KSR1: variants seen among roughly 807,000 people sequenced by gnomAD.
KSR1 encodes the protein kinase suppressor of ras 1, also known as kinase suppressor of ras.
KSR1 carries 35 observed loss-of-function variants against 92.9 expected under a neutral mutation model. The observed-to-expected ratio is 0.38, with a 90% confidence interval of 0.29 to 0.50. The LOEUF (loss-of-function observed/expected upper bound fraction) is 0.50, where lower values mean the gene tolerates loss of function less well. Ranked by LOEUF, KSR1 falls within the 20% of genes least tolerant of loss-of-function variation. The pLI is 0.94. For synonymous variants in KSR1, 467 were observed against 472.6 expected, an observed-to-expected ratio of 0.99 and a Z score of 0.15; for missense variants, 972 against 1,158.5, an observed-to-expected ratio of 0.84 and a Z score of 2.34.
chr17:27,494,202 T>C (rs1303022117), intron 1 of KSR1, among the ~76,000 whole-genome samples: 7 of 152,190 alleles, frequency 4.6e-5, no homozygotes, highest in Admixed American at 3.9e-4. Flanking sequence ...GAGATGATTT[T>C]TTTTATGGCC....
At chr17:27,509,888 G>C (rs928371619) in intron 1 of KSR1, among the ~76,000 whole-genome samples, 39 of 152,298 alleles carry the variant, frequency 2.6e-4, no homozygotes, top group African/African-American at 9.1e-4. Flanking sequence ...TTGTGTGTGA[G>C]AGGCCACGTT....
Position 27,592,361 on chromosome 17 carries a change from G to C in KSR1, c.1131G>C (p.Arg377Ser). The C allele has an allele frequency of 6.2e-7, 1 of 1,613,824 alleles. No homozygotes were observed. Among genetic ancestry groups the C allele is most frequent in the Non-Finnish European group, 8.5e-7 (1 of 1,179,806 alleles). The change falls in exon 8 of 21, where the codon AGG (arginine) becomes AGC (serine). Residue 377 changes from arginine to serine, a missense_variant and splice_region_variant. Arg to Ser is a moderately radical substitution (Grantham distance 110, BLOSUM62 -1). Transcript: ENST00000644974. Reference sequence around the variant, plus strand: ...ACACCAACCTCCCCTTCTTTACCAGGTTGAAGTGTCACAACAAATGTACCA... The same window carrying C: ...ACACCAACCTCCCCTTCTTTACCAGCTTGAAGTGTCACAACAAATGTACCA... ...MIFGVKCKHCRLKCHNKCTKE... is the reference protein window; with the variant it reads ...MIFGVKCKHCSLKCHNKCTKE...
chr17:27,483,010 A>G (rs920263612), intron 1 of KSR1, among the ~76,000 whole-genome samples: 13 of 152,100 alleles, frequency 8.5e-5, no homozygotes, highest in African/African-American at 3.1e-4. Context: ...CTCCCATGTT[A>G]TTTTTGTGCC....
intron 1 of KSR1, among the ~76,000 whole-genome samples, chr17:27,519,071 C>T (rs1211240088): frequency 6.6e-6 from 1 of 152,168 alleles, no homozygotes; most frequent in Non-Finnish European, 1.5e-5. Flanking sequence ...TCTCACCATG[C>T]CCTGGGCTGC....
At chr17:27,553,933 G>A (rs145332715) in intron 2 of KSR1, among the ~76,000 whole-genome samples, 178 of 152,298 alleles carry the variant, frequency 1.2e-3, no homozygotes, top group Non-Finnish European at 1.9e-3. Flanking sequence ...AGCTGCAAGG[G>A]CTGGCCCCAG....
intron 1 of KSR1, among the ~76,000 whole-genome samples, chr17:27,505,552 A>G (rs1196475306): frequency 6.6e-6 from 1 of 150,964 alleles, no homozygotes; most frequent in Non-Finnish European, 1.5e-5. Flanking sequence ...TTTGAATCCC[A>G]GCTTTGCCAC....
chr17:27,561,395 C>T (rs1439430039), intron 2 of KSR1, among the ~76,000 whole-genome samples: 2 of 152,200 alleles, frequency 1.3e-5, no homozygotes, highest in East Asian at 3.8e-4. Flanking sequence ...CCATTGATCA[C>T]TTACCTTTTA....
chr17:27,620,672 G>T (rs2074199108), intron 19 of KSR1, among the ~76,000 whole-genome samples: 1 of 152,148 alleles, frequency 6.6e-6, no homozygotes, highest in Non-Finnish European at 1.5e-5. Context: ...GGGGCTCTTA[G>T]CAGTTCAAGG....
chr17:27,521,121 T>G (rs1214845641), intron 1 of KSR1, among the ~76,000 whole-genome samples: 2 of 152,136 alleles, frequency 1.3e-5, no homozygotes, highest in African/African-American at 2.4e-5. Flanking sequence ...CACATCCATA[T>G]CAGGAGCACA....
chr17:27,575,833 C>T (rs916172941), intron 2 of KSR1, among the ~76,000 whole-genome samples: 6 of 152,220 alleles, frequency 3.9e-5, no homozygotes, highest in African/African-American at 1.2e-4. Context: ...CAGCTTAACA[C>T]ACCACCCGCT....
intron 1 of KSR1, among the ~76,000 whole-genome samples, chr17:27,472,832 A>G (rs1223555495): frequency 6.6e-6 from 1 of 152,186 alleles, no homozygotes; most frequent in African/African-American, 2.4e-5. Context: ...AATGGAATGG[A>G]AGGCCAGAAT....
intron 15 of KSR1, 107 bp from the exon 16 acceptor site, chr17:27,609,089 G>A (rs2073845041): frequency 2.2e-5 from 29 of 1,292,572 alleles, no homozygotes; most frequent in Middle Eastern, 3.9e-4. Flanking sequence ...ACAATATACT[G>A]CATGGAATTG....
At chr17:27,511,853 G>T (rs1263752447) in intron 1 of KSR1, among the ~76,000 whole-genome samples, 1 of 152,244 alleles carries the variant, frequency 6.6e-6, no homozygotes, top group Non-Finnish European at 1.5e-5. Flanking sequence ...TGCCACACGT[G>T]GCAATTCTTA....
At chr17:27,608,976 C>T (rs1288938462) in intron 15 of KSR1, among the ~76,000 whole-genome samples, 2 of 152,180 alleles carry the variant, frequency 1.3e-5, no homozygotes, top group Non-Finnish European at 2.9e-5. Context: ...AGAGCATAGA[C>T]CGGTCTGGGA....
At chr17:27,524,709 C>G (rs969327533) in intron 1 of KSR1, among the ~76,000 whole-genome samples, 3 of 152,172 alleles carry the variant, frequency 2.0e-5, no homozygotes, top group Non-Finnish European at 4.4e-5. Flanking sequence ...AGGTCAAAAC[C>G]TAAAACTTTG....
intron 1 of KSR1, among the ~76,000 whole-genome samples, chr17:27,507,432 C>T (rs367971045): frequency 3.3e-5 from 5 of 150,190 alleles, no homozygotes; most frequent in East Asian, 3.9e-4. Flanking sequence ...GACTTTGTCT[C>T]GAAGGAAAAA....
At chr17:27,517,317 T>C (rs559806047) in intron 1 of KSR1, among the ~76,000 whole-genome samples, 133 of 152,340 alleles carry the variant, frequency 8.7e-4, no homozygotes, top group African/African-American at 2.7e-3. Context: ...AATAACTCTT[T>C]TTCTTTTTAT....
intron 1 of KSR1, among the ~76,000 whole-genome samples, chr17:27,469,104 C>T (rs987368403): frequency 5.3e-5 from 8 of 152,134 alleles, no homozygotes; most frequent in African/African-American, 1.9e-4. Context: ...CTCTGGGAGC[C>T]CCGGGCAAAC....
chr17:27,494,120 CCTT>C (rs1305093266), intron 1 of KSR1, among the ~76,000 whole-genome samples: 5 of 151,958 alleles, frequency 3.3e-5, no homozygotes, highest in African/African-American at 2.4e-5. Flanking sequence ...GAAGAAGTCT[CCTT>C]CTCCCACTCC....
Sources: allele counts gnomAD v4.1 joint callset (sites outside exome capture counted in the v4.1 genomes callset), GRCh38; gene constraint gnomAD v4.1.1; transcripts MANE v1.5; gene names NCBI Gene and HGNC (gene_info 2026-07-23, HGNC 2026-07-21).